Variants in EIF4G1 observed in about 807,000 individuals in gnomAD.
EIF4G1 encodes EIF4-gamma.
A neutral mutation model predicts 187.8 loss-of-function variants in EIF4G1; 4 were observed. The observed-to-expected ratio is 0.02, with a 90% CI of 0.01 to 0.05. EIF4G1 has a LOEUF of 0.05. EIF4G1 is among the 10% of genes least tolerant of loss of function. The probability of loss-of-function intolerance (pLI) is 1.00; values close to 1 mark genes in which losing one functional copy is unlikely to be tolerated. For synonymous variants in EIF4G1, 844 were observed against 781.4 expected (o/e 1.08, Z -1.34); for missense variants, 1,647 against 2,081.1 (o/e 0.79, Z 4.06).
At chr3:184,328,437 G>A in intron 26 of EIF4G1, 194 bp from the exon 27 acceptor site, 1 of 800,146 alleles carries the variant, frequency 1.2e-6, no homozygotes, top group Non-Finnish European at 2.1e-6. Flanking sequence ...ATCCTGGTCA[G>A]CATAACTTTA....
At position 184,334,620 on chromosome 3, in the gene EIF4G1, T is replaced by A; in HGVS notation, c.4619-107T>A. The A allele has an allele frequency of 7.5e-7, 1 of 1,329,880 alleles. No individual in the cohort carries two copies. The allele number at this position is 1,329,880 out of a possible 1,614,324, so 82.4% of individuals were successfully genotyped here. A position where few individuals can be genotyped will look rare whatever the true frequency, so the allele number is the denominator to read the frequency against. On this transcript the variant is annotated intron_variant, in intron 32 of 32. Coordinates refer to ENST00000346169, the MANE Select transcript of EIF4G1 (RefSeq NM_198241.3). This position sits in a 1 kb window ranked among gnomAD's most constrained non-coding sequence, Gnocchi z 5.8. Reference sequence around the variant, plus strand: ...TCTGGAATGGCCACAAATGTCAGGCTGGTGCATCAGGGCCTTGTTTGAACA... The same window carrying A: ...TCTGGAATGGCCACAAATGTCAGGCAGGTGCATCAGGGCCTTGTTTGAACA...
intron 7 of EIF4G1, 37 bp from the exon 8 acceptor site, chr3:184,320,593 C>A: frequency 6.2e-7 from 1 of 1,613,922 alleles, no homozygotes; most frequent in Non-Finnish European, 8.5e-7. Flanking sequence ...GTGGGCTCTT[C>A]CTGCTTCCCA....
At position 184,325,838 on chromosome 3, in the gene EIF4G1, C is replaced by CT; in HGVS notation, c.3122-8dup. 1 of 1,614,090 alleles carries CT rather than the reference C, an allele frequency of 6.2e-7. No homozygotes were observed. The highest frequency in any genetic ancestry group is 8.5e-7 in the Non-Finnish European group (1 of 1,180,016). ...TTATTCATTATTCCAGTATGCCCCTCTTTTTGTGTCAGGCCGTGGACTTCC... is the reference window on the plus strand; with the variant it reads ...TTATTCATTATTCCAGTATGCCCCTCTTTTTTGTGTCAGGCCGTGGACTTCC... On this transcript the variant is annotated splice_polypyrimidine_tract_variant and intron_variant, in intron 20 of 32. Coordinates refer to ENST00000346169, the MANE Select transcript of EIF4G1 (RefSeq NM_198241.3). This position sits in a 1 kb window ranked among gnomAD's most constrained non-coding sequence, Gnocchi z 5.2.
chr3:184,326,207 G>T (rs1231264533), intron 21 of EIF4G1, among the ~76,000 whole-genome samples: 2 of 151,854 alleles, frequency 1.3e-5, no homozygotes, highest in Non-Finnish European at 1.5e-5. Context: ...CCAGGACCCA[G>T]TAGTGGTTTT....
intron 17 of EIF4G1, 49 bp from the exon 18 acceptor site, chr3:184,324,829 C>G: frequency 3.8e-6 from 6 of 1,595,572 alleles, no homozygotes; most frequent in Non-Finnish European, 5.1e-6. Context: ...GGGTTTTAGC[C>G]GAGTGGCTGG....
rs746470107 is a variant in EIF4G1 at position 184,322,586 on chromosome 3, G to A, written c.1651G>A (p.Gly551Ser). The change falls in exon 12 of 33, where the codon GGC becomes AGC. Residue 551 changes from glycine (G) to serine (S), a missense_variant. By Grantham distance (56) the Gly-to-Ser change is moderately conservative. Transcript: ENST00000346169. ...VPEVENQPPA[G>S]SNPGPESEGS... ...AGAGGTGGAAAATCAGCCTCCTGCA[G>A]GCAGCAATCCAGGCCCAGAGTCTGA... 6.2e-7 allele frequency: 1 copy of A among 1,614,222 alleles called. No homozygotes were observed. Among genetic ancestry groups the A allele is most frequent in the Non-Finnish European group, 8.5e-7 (1 of 1,180,046 alleles).
chr3:184,319,904 G>A (rs1451340044), intron 7 of EIF4G1, 103 bp downstream of exon 7: 2 of 861,018 alleles, frequency 2.3e-6, no homozygotes, highest in Non-Finnish European at 3.9e-6. Context: ...GAGGAGGAAG[G>A]AGCTGAGAGT....
intron 1 of EIF4G1, chr3:184,315,100 G>A (rs1722497041): frequency 6.1e-6 from 2 of 329,142 alleles, no homozygotes; most frequent in Non-Finnish European, 1.2e-5. Flanking sequence ...AGGGCGCAGG[G>A]GAGGGAGGCG....
rs780368183 is a variant in EIF4G1 at position 184,319,735 on chromosome 3, C to T, written c.471C>T (p.Gly157=). 26 of 1,606,940 alleles carry T rather than the reference C, an allele frequency of 1.6e-5. No homozygotes were observed. Among genetic ancestry groups the T allele is most frequent in the South Asian group, 7.8e-5 (7 of 89,648 alleles). Residue 157 remains glycine (G), a synonymous_variant, in exon 7 of 33, where the codon GGC becomes GGT. Coordinates refer to ENST00000346169, the MANE Select transcript of EIF4G1 (RefSeq NM_198241.3). The part of the protein sequence containing the change: ...PAQGVQQFPT[G]VAPTPVLMNQ... The stretch of plus-strand genomic sequence containing the variant: ...AAGGGGTGCAGCAGTTTCCCACTGG[C>T]GTGGCCCCCACCCCAGTTTTGATGA...
Position 184,316,136 on chromosome 3 carries a change from C to T in EIF4G1, c.65C>T (p.Ala22Val), listed in dbSNP as rs754645402. The T allele has an allele frequency of 6.2e-7, 1 of 1,614,158 alleles. No individual in the cohort carries two copies. The highest frequency in any genetic ancestry group is 1.7e-5 in the Admixed American group (1 of 60,022). Residue 22 changes from alanine (A) to valine (V), a missense_variant, in exon 4 of 33, where the codon GCG (alanine) becomes GTG (valine). Coordinates refer to ENST00000346169, the MANE Select transcript of EIF4G1 (RefSeq NM_198241.3). ...ACTCTGGTCTCCCCTCTTCAGCCAG[C>T]GTTTCCCCCGGGGCAGACAGCGCCG... is the stretch of plus-strand genomic sequence containing the variant. ...PAPSPGLPQPAFPPGQTAPVV... is the reference protein window; with the variant it reads ...PAPSPGLPQPVFPPGQTAPVV...
intron 28 of EIF4G1, 99 bp from the exon 29 acceptor site, chr3:184,331,167 T>C: frequency 7.8e-7 from 1 of 1,282,420 alleles, no homozygotes; most frequent in African/African-American, 1.5e-5. Flanking sequence ...AAGTACCTAG[T>C]AGGCTTTCAG....
At chr3:184,324,148 G>A in intron 16 of EIF4G1, 53 bp from the exon 17 acceptor site, 1 of 1,612,916 alleles carries the variant, frequency 6.2e-7, no homozygotes, top group Non-Finnish European at 8.5e-7. Flanking sequence ...GCTCTTGGAG[G>A]GCCTTCCCTG....
intron 32 of EIF4G1, among the ~76,000 whole-genome samples, chr3:184,333,400 G>C (rs916060359): frequency 6.6e-6 from 1 of 152,172 alleles, no homozygotes; most frequent in African/African-American, 2.4e-5. Flanking sequence ...TCATGTGCAA[G>C]TCATAAGAGG....
rs1288632676 is a variant in EIF4G1 at position 184,323,310 on chromosome 3, C to T, written c.2088+69C>T. ...GTGGATGATTCCGTGTCTCAGTGCCCGCGGGGAGGGGTTTGCCCTGGAGGC... is the reference window on the plus strand; with the variant it reads ...GTGGATGATTCCGTGTCTCAGTGCCTGCGGGGAGGGGTTTGCCCTGGAGGC... On this transcript the variant is annotated intron_variant, in intron 14 of 32. Transcript: ENST00000346169. This position sits in a 1 kb window ranked among gnomAD's most constrained non-coding sequence, Gnocchi z 6.9. 2.0e-5 allele frequency: 32 copies of T among 1,611,370 alleles called. No homozygotes were observed. The highest frequency in any genetic ancestry group is 1.7e-4 in the Middle Eastern group (1 of 6,034).
Position 184,316,195 on chromosome 3 carries a change from A to C in EIF4G1, c.124A>C (p.Asn42His), listed in dbSNP as rs1722746303. ...VFSTPQATQM[N>H]TPSQPRQHFY... is the part of the protein sequence containing the mutation. ...CAGTACGCCACAAGCGACACAAATG[A>C]ACACGCCTTCTCAGCCCCGCCAGGT... is the stretch of plus-strand genomic sequence containing the variant. The change falls in exon 4 of 33, where the codon AAC (asparagine) becomes CAC (histidine). Residue 42 changes from asparagine to histidine, a missense_variant. By Grantham distance (68) the Asn-to-His change is moderately conservative. This residue lies in a region of EIF4G1 where 139 missense variants were observed against 187.3 expected (regional missense o/e 0.74). Transcript: ENST00000346169. 1 of 1,614,006 alleles carries C rather than the reference A, an allele frequency of 6.2e-7. No homozygotes were observed.
chr3:184,320,469 GCAGC>G, intron 7 of EIF4G1, 157 bp from the exon 8 acceptor site: 1 of 1,526,842 alleles, frequency 6.5e-7, no homozygotes, highest in Non-Finnish European at 8.8e-7. Flanking sequence ...GACTACGAGA[GCAGC>G]CAGATGGGCT....
chr3:184,325,249 G>A lies in EIF4G1; in HGVS notation c.2857-20G>A, dbSNP rs777308308. Reference sequence around the variant, plus strand: ...GTGGGACATGAGAAGTTCCTGGTCTGATGCCTTTCTCCTTCCTAGCCCCGA... The same window carrying A: ...GTGGGACATGAGAAGTTCCTGGTCTAATGCCTTTCTCCTTCCTAGCCCCGA... On this transcript the variant is annotated intron_variant, in intron 18 of 32. Transcript: ENST00000346169. The surrounding 1 kb of genome is among the most constrained non-coding windows in gnomAD (Gnocchi z 5.2). 1 of 1,613,646 alleles carries A rather than the reference G, an allele frequency of 6.2e-7. No individual in the cohort carries two copies. Among genetic ancestry groups the A allele is most frequent in the Non-Finnish European group, 8.5e-7 (1 of 1,179,584 alleles).
In EIF4G1 at chr3:184,324,201, C is replaced by T. The variant is rs367822197; in HGVS notation, c.2473C>T (p.Leu825=). 4.3e-6 allele frequency: 7 copies of T among 1,614,100 alleles called. No individual in the cohort carries two copies. In the African/African-American group the frequency reaches 5.3e-5, roughly 12 times the overall value. The change falls in exon 17 of 33, where the codon CTG becomes TTG. Residue 825 remains leucine, a splice_region_variant and synonymous_variant. Transcript: ENST00000346169. The stretch of plus-strand genomic sequence containing the variant: ...GTGTGACATTCTCTCTGACCTACAG[C>T]TGAAAGTGCCCACTACGGAAAAGCC... The part of the protein sequence containing the change: ...YANMCRCLMA[L]KVPTTEKPTV...
intron 17 of EIF4G1, 60 bp downstream of exon 17, chr3:184,324,407 C>T: frequency 1.2e-6 from 2 of 1,611,084 alleles, no homozygotes; most frequent in South Asian, 1.1e-5. Context: ...TACCCAGATG[C>T]TACTCAGCTG....
Sources: gnomAD v4.1 joint callset for allele counts (sites outside exome capture counted in the v4.1 genomes callset) on GRCh38, gnomAD v4.1.1 for gene constraint, gnomAD v4.1.1 regional missense constraint, Gnocchi (gnomAD v3.1) non-coding constraint, MANE v1.5 for transcripts, NCBI Gene and HGNC (gene_info 2026-07-23, HGNC 2026-07-21) for gene names.